The following PDGFD variants were observed in gnomAD, a reference collection of about 807,000 sequenced individuals.
PDGFD encodes platelet-derived growth factor D.
A neutral mutation model predicts 44.7 loss-of-function variants in PDGFD; 30 were observed. The ratio of observed to expected loss-of-function variants is 0.67; its 90% CI spans 0.50 to 0.91. The LOEUF (loss-of-function observed/expected upper bound fraction) is 0.91. Among genes scored for constraint, PDGFD ranks in the 40% least tolerant of loss-of-function variants. PDGFD has a pLI of 0.00. For synonymous variants in PDGFD, 173 were observed against 168.4 expected (o/e 1.03, Z -0.21); for missense variants, 445 against 457.8 (o/e 0.97, Z 0.25).
intron 3 of PDGFD, among the ~76,000 whole-genome samples, chr11:103,966,124 A>G (rs1313087185): frequency 6.6e-6 from 1 of 152,176 alleles, no homozygotes; most frequent in African/African-American, 2.4e-5. Context: ...AAAAACATCT[A>G]ATTAGAGTCA....
At chr11:103,946,097 T>C (rs1242446555) in intron 4 of PDGFD, 1 of 152,104 alleles carries the variant, frequency 6.6e-6, no homozygotes, top group African/African-American at 2.4e-5. Flanking sequence ...GTCACGTATT[T>C]ATAAAAATCA....
intron 1 of PDGFD, among the ~76,000 whole-genome samples, chr11:104,109,238 CA>C (rs1160996121): frequency 1.3e-5 from 2 of 151,906 alleles, no homozygotes; most frequent in African/African-American, 4.8e-5. Context: ...TCATGTAGTA[CA>C]AAGAACACAA....
At chr11:103,947,759 A>T in intron 3 of PDGFD, 35 bp from the exon 4 acceptor site, 1 of 1,519,902 alleles carries the variant, frequency 6.6e-7, no homozygotes, top group Non-Finnish European at 9.1e-7. Context: ...AGTCAGTCAA[A>T]CCTCTGTTCA....
rs1857972218 is a variant in PDGFD at position 103,908,406 on chromosome 11, C to T, written c.*1288G>A. On this transcript the variant is annotated 3_prime_UTR_variant, in exon 7 of 7. Transcript: ENST00000393158. ...AAACTTGTGTTACCACAATTGACAA[C>T]TGGCTTCTTAAAGCAAGCTCCATAG... The T allele has an allele frequency of 6.6e-6, 1 of 152,224 alleles. No homozygotes were observed. The highest frequency in any genetic ancestry group is 2.4e-5 in the African/African-American group (1 of 41,460). 9.4% of individuals were successfully genotyped at this position (152,224 alleles called of 1,614,324 possible). A position where few individuals can be genotyped will look rare whatever the true frequency, so the allele number is the denominator to read the frequency against.
rs555244049 is a variant in PDGFD at position 103,957,044 on chromosome 11, C to A, written c.511-9320G>T. ...TCTGATGGTAGTTTCTTTTGCTGTG[C>A]AGAAGCTCTTTAGTTTAATTAGATC... is the stretch of plus-strand genomic sequence containing the variant. On this transcript the variant is annotated intron_variant, in intron 3 of 6. Transcript: ENST00000393158. Among the ~76,000 whole-genome samples, 495 of 152,240 alleles carry A rather than the reference C, an allele frequency of 3.3e-3. 8 individuals carry two copies. The highest frequency in any genetic ancestry group is 0.011 in the African/African-American group (469 of 41,546).
chr11:104,019,291 C>G (rs1476821809), intron 1 of PDGFD, among the ~76,000 whole-genome samples: 2 of 152,132 alleles, frequency 1.3e-5, no homozygotes, highest in Non-Finnish European at 2.9e-5. Flanking sequence ...ATAAATTCAT[C>G]CTTGAATCTC....
chr11:104,021,453 C>T (rs2134382457), intron 1 of PDGFD, among the ~76,000 whole-genome samples: 1 of 152,258 alleles, frequency 6.6e-6, no homozygotes, highest in South Asian at 2.1e-4. Flanking sequence ...TGTGAATTGA[C>T]TGAGACAACA....
At chr11:104,152,131 T>C (rs1862255470) in intron 1 of PDGFD, among the ~76,000 whole-genome samples, 1 of 152,194 alleles carries the variant, frequency 6.6e-6, no homozygotes, top group South Asian at 2.1e-4. Context: ...CAAGTGGTTA[T>C]GTTTTTTGTA....
At chr11:103,976,418 G>C (rs555771514) in intron 3 of PDGFD, among the ~76,000 whole-genome samples, 1 of 152,220 alleles carries the variant, frequency 6.6e-6, no homozygotes, top group East Asian at 1.9e-4. Flanking sequence ...TCAGCTTCAG[G>C]AGTTTTTGGG....
At chr11:104,105,628 G>C (rs1406891976) in intron 1 of PDGFD, among the ~76,000 whole-genome samples, 2 of 151,934 alleles carry the variant, frequency 1.3e-5, no homozygotes, top group Non-Finnish European at 2.9e-5. Flanking sequence ...ATTTTTCTCG[G>C]TGTGGAGTTA....
chr11:104,134,772 C>G (rs536795451), intron 1 of PDGFD, among the ~76,000 whole-genome samples: 15 of 152,294 alleles, frequency 9.8e-5, no homozygotes, highest in African/African-American at 3.6e-4. Flanking sequence ...ACCTCAAACT[C>G]TGAAGCAGAG....
intron 1 of PDGFD, among the ~76,000 whole-genome samples, chr11:104,071,770 G>A (rs968248552): frequency 4.6e-5 from 7 of 151,172 alleles, no homozygotes; most frequent in African/African-American, 1.7e-4. Flanking sequence ...AGTCACCTAT[G>A]CTTTTATCTA....
chr11:104,067,155 T>G (rs759107921), intron 1 of PDGFD, among the ~76,000 whole-genome samples: 1 of 152,192 alleles, frequency 6.6e-6, no homozygotes, highest in Non-Finnish European at 1.5e-5. Context: ...TTCCCATGAT[T>G]GTACACATAG....
At chr11:103,937,206 T>C (rs1247156091) in intron 5 of PDGFD, among the ~76,000 whole-genome samples, 1 of 152,196 alleles carries the variant, frequency 6.6e-6, no homozygotes, top group Non-Finnish European at 1.5e-5. Flanking sequence ...GAACAATATA[T>C]TTTAATTATT....
chr11:104,052,924 T>C (rs1471411759), intron 1 of PDGFD, among the ~76,000 whole-genome samples: 1 of 152,162 alleles, frequency 6.6e-6, no homozygotes, highest in Non-Finnish European at 1.5e-5. Context: ...TTCTGTCTAG[T>C]ACAGAATTTC....
At chr11:104,144,536 A>ACCC (rs1862135266) in intron 1 of PDGFD, among the ~76,000 whole-genome samples, 1 of 115,444 alleles carries the variant, frequency 8.7e-6, no homozygotes, top group African/African-American at 4.0e-5. Context: ...AAACCCAACA[A>ACCC]AACAAAACAA....
At chr11:104,095,622 G>GAAAT (rs1174809548) in intron 1 of PDGFD, among the ~76,000 whole-genome samples, 5 of 151,746 alleles carry the variant, frequency 3.3e-5, no homozygotes, top group Non-Finnish European at 5.9e-5. Context: ...AAAGGAAAGA[G>GAAAT]ACTTATTTTT....
chr11:103,909,943 G>T, intron 6 of PDGFD, 124 bp from the exon 7 acceptor site: 6 of 1,178,712 alleles, frequency 5.1e-6, no homozygotes, highest in Non-Finnish European at 7.3e-6. Context: ...GAAGCTATGG[G>T]CTTGCTATTA....
At chr11:103,973,653 G>A (rs1189928734) in intron 3 of PDGFD, among the ~76,000 whole-genome samples, 1 of 152,150 alleles carries the variant, frequency 6.6e-6, no homozygotes, top group East Asian at 1.9e-4. Flanking sequence ...TGAAGGGCCT[G>A]GCTGATGGCT....
Sources: gnomAD v4.1 joint callset for allele counts (sites outside exome capture counted in the v4.1 genomes callset) on GRCh38, gnomAD v4.1.1 for gene constraint, MANE v1.5 for transcripts, NCBI Gene and HGNC (gene_info 2026-07-23, HGNC 2026-07-21) for gene names.